Variants in PRIMPOL observed in about 807,000 individuals in gnomAD.
PRIMPOL encodes the protein DNA-directed primase/polymerase protein.
Under a neutral mutation model 63.6 loss-of-function variants are expected in PRIMPOL, and 54 were observed. That is an observed-to-expected ratio of 0.85 (90% CI 0.68 to 1.07). The LOEUF (loss-of-function observed/expected upper bound fraction) is 1.07. Ranked by LOEUF, PRIMPOL falls within the 50% of genes least tolerant of loss-of-function variation. The pLI is 0.00. For missense variants in PRIMPOL, 610 were observed against 648.3 expected, an observed-to-expected ratio of 0.94 and a Z score of 0.64; for synonymous variants, 197 against 220.2, an observed-to-expected ratio of 0.89 and a Z score of 0.93.
chr4:184,663,032 T>TATTATTATTATC (rs1748830695), intron 5 of PRIMPOL, among the ~76,000 whole-genome samples: 1 of 142,960 alleles, frequency 7.0e-6, no homozygotes, highest in South Asian at 2.1e-4. Context: ...TTATTATTAT[T>TATTATTATTATC]ATTATTATTA....
At chr4:184,669,534 C>A (rs536740715) in intron 6 of PRIMPOL, among the ~76,000 whole-genome samples, 1 of 152,290 alleles carries the variant, frequency 6.6e-6, no homozygotes, top group South Asian at 2.1e-4. Context: ...TGGCTACTAG[C>A]CACAGGCCGA....
At chr4:184,672,048 G>A in intron 6 of PRIMPOL, 125 bp from the exon 7 acceptor site, 1 of 943,550 alleles carries the variant, frequency 1.1e-6, no homozygotes. Flanking sequence ...CAGCAACCCA[G>A]TTTTGAAACC....
chr4:184,694,343 C>T (rs368791370), intron 13 of PRIMPOL, 179 bp from the exon 14 acceptor site: 11 of 1,380,840 alleles, frequency 8.0e-6, no homozygotes, highest in Admixed American at 3.0e-5. Context: ...AGTGCAGCAA[C>T]GTTTGAATCA....
intron 7 of PRIMPOL, 33 bp downstream of exon 7, chr4:184,672,493 C>T (rs367648499): frequency 2.9e-5 from 45 of 1,554,808 alleles, no homozygotes; most frequent in Admixed American, 9.8e-5. Flanking sequence ...TCCATCAGAC[C>T]GCCCTGGTGC....
chr4:184,693,877 C>T (rs764244671), intron 13 of PRIMPOL, among the ~76,000 whole-genome samples: 8 of 152,118 alleles, frequency 5.3e-5, no homozygotes, highest in Non-Finnish European at 1.0e-4. Context: ...TCATGTTGCC[C>T]GGGCTGGTCT....
At chr4:184,693,594 G>GCACTGATATTTCATTGGT (rs1365789833) in intron 13 of PRIMPOL, among the ~76,000 whole-genome samples, 3 of 151,894 alleles carry the variant, frequency 2.0e-5, no homozygotes, top group Non-Finnish European at 4.4e-5. Flanking sequence ...CTTTTCTATT[G>GCACTGATATTTCATTGGT]CACTGATATT....
At chr4:184,678,482 T>A in intron 8 of PRIMPOL, 88 bp downstream of exon 8, 2 of 928,726 alleles carry the variant, frequency 2.2e-6, no homozygotes, top group Non-Finnish European at 3.2e-6. Flanking sequence ...ATGTAAATCA[T>A]CTAAATTCAT....
Position 184,667,595 on chromosome 4 carries a change from C to A in PRIMPOL, c.556+1531C>A, listed in dbSNP as rs563601067. ...AAAGTGCTGGGATTACAGGCGTGAGCCACCGTGCCTGGCCGAAAGTGAGAC... is the reference window on the plus strand; with the variant it reads ...AAAGTGCTGGGATTACAGGCGTGAGACACCGTGCCTGGCCGAAAGTGAGAC... On this transcript the variant is annotated intron_variant, in intron 6 of 13. Transcript: ENST00000314970. Among the ~76,000 whole-genome samples, 76 of 152,176 alleles carry A rather than the reference C, an allele frequency of 5.0e-4. 1 individual carries two copies. The highest frequency in any genetic ancestry group is 8.7e-4 in the Non-Finnish European group (59 of 68,032).
Position 184,659,215 on chromosome 4 carries a change from C to T in PRIMPOL, c.181-125C>T. The T allele has an allele frequency of 1.3e-5, 9 of 686,242 alleles. No homozygotes were observed. The South Asian group carries it at 1.6e-4, about 12-fold the overall frequency. 42.5% of individuals were successfully genotyped at this position (686,242 alleles called of 1,614,324 possible). A position where few individuals can be genotyped will look rare whatever the true frequency, so the allele number is the denominator to read the frequency against. On this transcript the variant is annotated intron_variant, in intron 3 of 13. Transcript: ENST00000314970. The stretch of plus-strand genomic sequence containing the variant: ...ACTATTTGTCTTGTTTTTAATAATA[C>T]AAATGTTCAAATTACAGTTTCTGAA...
chr4:184,674,960 G>A (rs1752894362), intron 7 of PRIMPOL, among the ~76,000 whole-genome samples: 1 of 152,156 alleles, frequency 6.6e-6, no homozygotes. Context: ...CCAGCATCAC[G>A]AGTGGCACTT....
rs1746688681 is a variant in PRIMPOL, at chr4:184,657,166, T to G, written c.26T>G (p.Leu9Arg). 1 of 1,610,280 alleles carries G rather than the reference T, an allele frequency of 6.2e-7. No homozygotes were observed. Among genetic ancestry groups the G allele is most frequent in the Admixed American group, 1.7e-5 (1 of 59,244 alleles). MNRKWEAK[L>R]KQIEERASHY... ...ATGAATAGAAAATGGGAAGCAAAAC[T>G]GAAGCAAATTGAAGAACGAGCATCT... The change falls in exon 3 of 14, where the codon CTG becomes CGG. Residue 9 changes from leucine to arginine, a missense_variant. By Grantham distance (102) the Leu-to-Arg change is moderately radical. Coordinates refer to ENST00000314970, the MANE Select transcript of PRIMPOL (RefSeq NM_152683.4).
intron 7 of PRIMPOL, among the ~76,000 whole-genome samples, chr4:184,674,113 AC>A (rs1291833080): frequency 6.6e-6 from 1 of 152,050 alleles, no homozygotes; most frequent in Non-Finnish European, 1.5e-5. Flanking sequence ...AGAACACAGT[AC>A]CCCAGGTCAC....
intron 3 of PRIMPOL, 44 bp downstream of exon 3, chr4:184,657,364 C>T: frequency 1.5e-6 from 2 of 1,377,226 alleles, no homozygotes; most frequent in Non-Finnish European, 2.0e-6. Context: ...TCTTCCACTT[C>T]CTCTTCTTTC....
intron 7 of PRIMPOL, among the ~76,000 whole-genome samples, chr4:184,673,930 G>A (rs1275027070): frequency 2.6e-5 from 4 of 152,198 alleles, no homozygotes; most frequent in Admixed American, 6.5e-5. Flanking sequence ...GTGTGAGGTC[G>A]AGCAGCCACA....
intron 6 of PRIMPOL, among the ~76,000 whole-genome samples, chr4:184,670,110 A>G (rs1382176386): frequency 2.0e-5 from 3 of 152,172 alleles, no homozygotes; most frequent in South Asian, 2.1e-4. Flanking sequence ...GTTGGGGGCA[A>G]TAAGATCCTG....
Position 184,689,573 on chromosome 4 carries a change from C to CT in PRIMPOL, c.1296-1926_1296-1925insT, listed in dbSNP as rs1356892230. Among the ~76,000 whole-genome samples, 10 of 151,306 alleles carry CT rather than the reference C, an allele frequency of 6.6e-5. No individual in the cohort carries two copies. The East Asian group carries it at 1.4e-3, about 21-fold the overall frequency. On this transcript the variant is annotated intron_variant, in intron 11 of 13. Transcript: ENST00000314970. The stretch of plus-strand genomic sequence containing the variant: ...CTTCAAGCAATTCTCCTGCCTCAGC[C>CT]CCCCGAGTAGCTGGGATTACAGGTG...
chr4:184,691,821 G>C, intron 13 of PRIMPOL, 109 bp downstream of exon 13: 1 of 759,252 alleles, frequency 1.3e-6, no homozygotes, highest in Non-Finnish European at 2.2e-6. Context: ...TTGCTACCTT[G>C]TTTTCACTTA....
At chr4:184,656,965 T>C in intron 2 of PRIMPOL, 117 bp from the exon 3 acceptor site, 1 of 489,226 alleles carries the variant, frequency 2.0e-6, no homozygotes. Context: ...GTGGTAAAAC[T>C]TCATGCAAAG....
rs139110776 is a variant in PRIMPOL at position 184,681,902 on chromosome 4, T to A, written c.1008-346T>A. On this transcript the variant is annotated intron_variant, in intron 8 of 13. Coordinates refer to ENST00000314970, the MANE Select transcript of PRIMPOL (RefSeq NM_152683.4). The stretch of plus-strand genomic sequence containing the variant: ...TTTTATTGTTTTTTAAAAAACATAC[T>A]TTTGATCTGCTGTTGGTTGAATCTG... 3.5e-4 allele frequency among the ~76,000 whole-genome samples: 54 copies of A among 152,312 alleles called. No individual in the cohort carries two copies. In the East Asian group the frequency reaches 8.3e-3, roughly 23 times the overall value.
Sources: allele counts gnomAD v4.1 joint callset (sites outside exome capture counted in the v4.1 genomes callset), GRCh38; gene constraint gnomAD v4.1.1; transcripts MANE v1.5; gene names NCBI Gene and HGNC (gene_info 2026-07-23, HGNC 2026-07-21).